Variants in DLGAP2 observed in about 807,000 individuals in gnomAD.
The protein encoded by DLGAP2 is DLG associated protein 2.
In DLGAP2, 26 loss-of-function variants were observed where a neutral mutation model predicts 100.3. The observed-to-expected ratio is 0.26, with a 90% CI of 0.19 to 0.36. DLGAP2 has a LOEUF of 0.36. Ranked by LOEUF, DLGAP2 falls within the 10% of genes least tolerant of loss-of-function variation. The pLI, the probability that DLGAP2 is intolerant of heterozygous loss-of-function variation, is 1.00. For synonymous variants in DLGAP2, 886 were observed against 630.1 expected (o/e 1.41, Z -6.08); for missense variants, 1,858 against 1,453.2 (o/e 1.28, Z -4.53).
chr8:1,198,791 G>A (rs764561439), intron 2 of DLGAP2, among the ~76,000 whole-genome samples: 3 of 152,242 alleles, frequency 2.0e-5, no homozygotes, highest in Non-Finnish European at 2.9e-5. Flanking sequence ...TCCCTCGGGA[G>A]TGAGCCCTAC....
intron 2 of DLGAP2, among the ~76,000 whole-genome samples, chr8:935,209 T>G (rs1563102373): frequency 6.6e-6 from 1 of 152,206 alleles, no homozygotes; most frequent in Non-Finnish European, 1.5e-5. Context: ...GGCGTCTCTC[T>G]TCCTTCCCGG....
rs78109248 is a variant in DLGAP2 at position 1,408,665 on chromosome 8, T to G, written c.107-92701T>G. ...AACTTTGAAAATGTATCTTGGATGT[T>G]TGAGGCCTTCTAGCAAGTCCTTGTT... On this transcript the variant is annotated intron_variant, in intron 3 of 14. Transcript: ENST00000637795. 3.5e-3 allele frequency among the ~76,000 whole-genome samples: 526 copies of G among 152,224 alleles called. 10 individuals carry two copies. In the East Asian group the frequency reaches 0.048, roughly 14 times the overall value.
chr8:1,126,863 A>G (rs2129048474), intron 2 of DLGAP2, among the ~76,000 whole-genome samples: 1 of 151,958 alleles, frequency 6.6e-6, no homozygotes, highest in Non-Finnish European at 1.5e-5. Flanking sequence ...GCCTCACTGG[A>G]TTGTCCCTGG....
At chr8:1,668,998 A>G (rs769767526) in intron 9 of DLGAP2, among the ~76,000 whole-genome samples, 4 of 152,220 alleles carry the variant, frequency 2.6e-5, no homozygotes, top group Non-Finnish European at 2.9e-5. Flanking sequence ...CCTAGAGAGT[A>G]TGGAGATAAC....
chr8:1,455,002 T>C (rs528318124), intron 3 of DLGAP2, among the ~76,000 whole-genome samples: 1 of 152,186 alleles, frequency 6.6e-6, no homozygotes, highest in South Asian at 2.1e-4. Flanking sequence ...CAGCCACCCG[T>C]GAGCACTGTC....
chr8:1,699,096 C>G (rs530485381), intron 14 of DLGAP2, among the ~76,000 whole-genome samples: 3 of 152,234 alleles, frequency 2.0e-5, no homozygotes, highest in Non-Finnish European at 4.4e-5. Context: ...GCTGTTCAAA[C>G]GGAACGTACT....
At chr8:850,328 C>T (rs1405647602) in intron 1 of DLGAP2, among the ~76,000 whole-genome samples, 2 of 151,962 alleles carry the variant, frequency 1.3e-5, no homozygotes, top group Non-Finnish European at 1.5e-5. Context: ...TTGAACCTTC[C>T]ACCTGTTGCT....
intron 2 of DLGAP2, among the ~76,000 whole-genome samples, chr8:1,102,514 G>C (rs1167881506): frequency 6.6e-6 from 1 of 151,998 alleles, no homozygotes; most frequent in Non-Finnish European, 1.5e-5. Context: ...ATTTGAGAGA[G>C]AGTAAATGTT....
intron 2 of DLGAP2, among the ~76,000 whole-genome samples, chr8:966,482 C>T (rs147507494): frequency 2.0e-5 from 3 of 152,174 alleles, no homozygotes; most frequent in Non-Finnish European, 4.4e-5. Flanking sequence ...GTTAGTAACT[C>T]TAAATATATC....
chr8:986,395 G>A (rs1179010665), intron 2 of DLGAP2, among the ~76,000 whole-genome samples: 1 of 152,172 alleles, frequency 6.6e-6, no homozygotes, highest in African/African-American at 2.4e-5. Context: ...AGGTATTCAT[G>A]TGCCAGGGTG....
intron 2 of DLGAP2, among the ~76,000 whole-genome samples, chr8:1,156,608 G>A (rs1297371275): frequency 5.3e-5 from 8 of 150,074 alleles, no homozygotes; most frequent in Non-Finnish European, 7.4e-5. Context: ...CCAGCCTAGC[G>A]TCCCAGCCCA....
chr8:1,067,895 C>A (rs905032897), intron 2 of DLGAP2, among the ~76,000 whole-genome samples: 5 of 152,030 alleles, frequency 3.3e-5, no homozygotes, highest in African/African-American at 1.2e-4. Context: ...CGACACACCC[C>A]CCCATTACAG....
At chr8:794,826 G>A (rs534656467) in intron 1 of DLGAP2, among the ~76,000 whole-genome samples, 2 of 152,102 alleles carry the variant, frequency 1.3e-5, no homozygotes, top group African/African-American at 2.4e-5. Flanking sequence ...GGTCCCTGGT[G>A]ACCTGAGTGA....
chr8:1,535,956 C>G (rs1801141624), intron 4 of DLGAP2, among the ~76,000 whole-genome samples: 2 of 152,232 alleles, frequency 1.3e-5, no homozygotes, highest in Admixed American at 1.3e-4. Context: ...CCTTGCGTGG[C>G]AGACACGTTG....
chr8:875,471 C>G (rs971205063), intron 1 of DLGAP2, among the ~76,000 whole-genome samples: 1 of 152,170 alleles, frequency 6.6e-6, no homozygotes, highest in African/African-American at 2.4e-5. Context: ...CTGGTGATTT[C>G]ATAAGGGGCT....
chr8:1,019,901 C>T (rs1044296032), intron 2 of DLGAP2, among the ~76,000 whole-genome samples: 36 of 151,920 alleles, frequency 2.4e-4, no homozygotes, highest in African/African-American at 8.7e-4. Context: ...CCGGGATGGC[C>T]TGTGTGTGTG....
At chr8:1,029,801 G>C (rs534302980) in intron 2 of DLGAP2, among the ~76,000 whole-genome samples, 1 of 152,318 alleles carries the variant, frequency 6.6e-6, no homozygotes, top group African/African-American at 2.4e-5. Context: ...ATGCGTCCTT[G>C]TCTGGGAGGG....
At chr8:1,177,983 C>T (rs773960778) in intron 2 of DLGAP2, among the ~76,000 whole-genome samples, 44 of 152,202 alleles carry the variant, frequency 2.9e-4, no homozygotes, top group Non-Finnish European at 4.7e-4. Flanking sequence ...CAGCATCTCC[C>T]GGTGAAGGGC....
chr8:1,696,388 T>A (rs920014597), intron 13 of DLGAP2, among the ~76,000 whole-genome samples: 2 of 152,246 alleles, frequency 1.3e-5, no homozygotes, highest in South Asian at 2.1e-4. Flanking sequence ...TGGTCCCAGC[T>A]ACTTGGGAGG....
Sources: gnomAD v4.1 joint callset for allele counts (sites outside exome capture counted in the v4.1 genomes callset) on GRCh38, gnomAD v4.1.1 for gene constraint, MANE v1.5 for transcripts, NCBI Gene and HGNC (gene_info 2026-07-23, HGNC 2026-07-21) for gene names.